Variants in STRN observed in about 807,000 individuals in gnomAD.
The protein encoded by STRN is protein phosphatase 2 regulatory subunit B'''alpha.
Under a neutral mutation model 96.3 loss-of-function variants are expected in STRN, and 53 were observed. The observed-to-expected ratio is 0.55, with a 90% CI of 0.44 to 0.69. The LOEUF is 0.69. Ranked by LOEUF, STRN falls within the 30% of genes least tolerant of loss-of-function variation. STRN has a pLI of 0.00. For missense variants in STRN, 987 were observed against 963.9 expected (o/e 1.02, Z -0.32); for synonymous variants, 428 against 355.9 (o/e 1.20, Z -2.28).
At chr2:36,886,370 T>A (rs1037200812) in intron 8 of STRN, among the ~76,000 whole-genome samples, 1 of 152,146 alleles carries the variant, frequency 6.6e-6, no homozygotes, top group African/African-American at 2.4e-5. Flanking sequence ...AAATGAGTTA[T>A]AAATTGTCAA....
rs2148119297 is a variant in STRN, at chr2:36,847,372, G to C, written c.*2084C>G. 6.6e-6 allele frequency: 1 copy of C among 152,244 alleles called. No homozygotes were observed. The highest frequency in any genetic ancestry group is 1.9e-4 in the East Asian group (1 of 5,188). 9.4% of individuals were successfully genotyped at this position (152,244 alleles called of 1,614,324 possible). On this transcript the variant is annotated 3_prime_UTR_variant, in exon 18 of 18. Transcript: ENST00000263918. ...TGGTCATCCATCATAAATACACCAAGTAATGGCATCTTCCTTCCTTCCTTC... is the reference window on the plus strand; with the variant it reads ...TGGTCATCCATCATAAATACACCAACTAATGGCATCTTCCTTCCTTCCTTC...
intron 1 of STRN, among the ~76,000 whole-genome samples, chr2:36,928,915 T>A (rs950838440): frequency 2.8e-5 from 4 of 141,770 alleles, no homozygotes; most frequent in African/African-American, 1.1e-4. Context: ...GCCACTGCAC[T>A]CCAGCCTGGG....
At chr2:36,935,637 C>A (rs1374885279) in intron 1 of STRN, among the ~76,000 whole-genome samples, 1 of 152,136 alleles carries the variant, frequency 6.6e-6, no homozygotes, top group African/African-American at 2.4e-5. Flanking sequence ...ATTGAGGACA[C>A]AACAAAAAGC....
chr2:36,942,057 G>A (rs549383172), intron 1 of STRN, among the ~76,000 whole-genome samples: 41 of 152,148 alleles, frequency 2.7e-4, no homozygotes, highest in South Asian at 8.3e-4. Flanking sequence ...GGCCAAACAC[G>A]GCTATGTGAC....
At chr2:36,860,984 T>C (rs1572628312) in intron 13 of STRN, 148 bp downstream of exon 13, 1 of 943,582 alleles carries the variant, frequency 1.1e-6, no homozygotes, top group African/African-American at 1.7e-5. Context: ...AATTCCTAAA[T>C]ACAGAAGTCC....
chr2:36,853,414 C>T (rs1047095775), intron 15 of STRN, among the ~76,000 whole-genome samples: 10 of 152,120 alleles, frequency 6.6e-5, no homozygotes, highest in African/African-American at 2.4e-4. Context: ...AGAGAATAGC[C>T]TCAATTGCTT....
At chr2:36,889,713 T>G (rs1280332212) in intron 7 of STRN, among the ~76,000 whole-genome samples, 1 of 152,046 alleles carries the variant, frequency 6.6e-6, no homozygotes, top group Non-Finnish European at 1.5e-5. Context: ...TGCAACCTAG[T>G]TTTGTTAATT....
At chr2:36,933,236 T>C (rs1418910328) in intron 1 of STRN, among the ~76,000 whole-genome samples, 3 of 152,160 alleles carry the variant, frequency 2.0e-5, no homozygotes, top group Non-Finnish European at 4.4e-5. Context: ...GTATTATAAA[T>C]AATCTAGAGA....
rs145092521 is a variant in STRN at position 36,908,314 on chromosome 2, A to C, written c.413-2696T>G. ...TTTTGGCAGCCAGTGACATTACAAAAAAGTGTGATACAGCAAATCAATGGA... is the reference window on the plus strand; with the variant it reads ...TTTTGGCAGCCAGTGACATTACAAACAAGTGTGATACAGCAAATCAATGGA... On this transcript the variant is annotated intron_variant, in intron 3 of 17. Coordinates refer to ENST00000263918, the MANE Select transcript of STRN (RefSeq NM_003162.4). 5.9e-4 allele frequency among the ~76,000 whole-genome samples: 90 copies of C among 152,364 alleles called. 1 individual carries two copies. In the East Asian group the frequency reaches 0.012, roughly 20 times the overall value.
chr2:36,899,679 C>T (rs1396158061), intron 5 of STRN, 21 bp from the exon 6 acceptor site: 2 of 1,567,214 alleles, frequency 1.3e-6, no homozygotes, highest in East Asian at 2.3e-5. Flanking sequence ...ACATGTATAT[C>T]CTGCTTAGTT....
At chr2:36,927,748 T>TA (rs1370668444) in intron 1 of STRN, among the ~76,000 whole-genome samples, 6 of 152,188 alleles carry the variant, frequency 3.9e-5, no homozygotes, top group African/African-American at 1.2e-4. Flanking sequence ...AATAATATGG[T>TA]AAAAAACAGA....
In STRN at chr2:36,873,772, G is replaced by T. The variant is rs375595922; in HGVS notation, c.1324-4043C>A. 4.6e-5 allele frequency among the ~76,000 whole-genome samples: 7 copies of T among 151,216 alleles called. No individual in the cohort carries two copies. The South Asian group carries it at 1.5e-3, about 32-fold the overall frequency. Reference sequence around the variant, plus strand: ...ATCCTGACCAACACGGTGAAACCCTGTCTCTACTAAGAATACAAAAATTAG... The same window carrying T: ...ATCCTGACCAACACGGTGAAACCCTTTCTCTACTAAGAATACAAAAATTAG... On this transcript the variant is annotated intron_variant, in intron 10 of 17. Transcript: ENST00000263918.
chr2:36,860,181 G>T (rs886187207), intron 13 of STRN, among the ~76,000 whole-genome samples: 14 of 152,188 alleles, frequency 9.2e-5, no homozygotes, highest in Admixed American at 2.6e-4. Flanking sequence ...AAGAGCAAGA[G>T]ATTAGAATGC....
intron 7 of STRN, among the ~76,000 whole-genome samples, chr2:36,892,177 T>C (rs981833145): frequency 2.0e-5 from 3 of 152,198 alleles, no homozygotes; most frequent in Admixed American, 6.5e-5. Flanking sequence ...AACCAAATAC[T>C]ACATGTTCTC....
chr2:36,947,568 A>ATT (rs531109078), intron 1 of STRN, among the ~76,000 whole-genome samples: 84 of 147,300 alleles, frequency 5.7e-4, no homozygotes, highest in Admixed American at 1.4e-3. Flanking sequence ...TTACATATAT[A>ATT]TTATATATAT....
At chr2:36,939,098 G>T (rs780843506) in intron 1 of STRN, among the ~76,000 whole-genome samples, 7 of 152,006 alleles carry the variant, frequency 4.6e-5, no homozygotes, top group Non-Finnish European at 1.0e-4. Context: ...TGATTCTCCT[G>T]CCTCAGCCTC....
At chr2:36,926,080 G>T (rs2148232345) in intron 1 of STRN, among the ~76,000 whole-genome samples, 1 of 152,188 alleles carries the variant, frequency 6.6e-6, no homozygotes, top group East Asian at 1.9e-4. Flanking sequence ...GTGAAAGTTG[G>T]GAAAAGGAAA....
chr2:36,905,998 T>A (rs1365798936), intron 3 of STRN, among the ~76,000 whole-genome samples: 2 of 152,088 alleles, frequency 1.3e-5, no homozygotes, highest in Non-Finnish European at 2.9e-5. Context: ...AATTGAACAT[T>A]TAAAAATAAC....
intron 9 of STRN, among the ~76,000 whole-genome samples, chr2:36,882,186 TAAA>T (rs562917267): frequency 1.3e-5 from 2 of 151,050 alleles, no homozygotes; most frequent in Non-Finnish European, 3.0e-5. Context: ...TGTAATTTAT[TAAA>T]AAAAAACAAG....
Sources: gnomAD v4.1 joint callset for allele counts (sites outside exome capture counted in the v4.1 genomes callset) on GRCh38, gnomAD v4.1.1 for gene constraint, MANE v1.5 for transcripts, NCBI Gene and HGNC (gene_info 2026-07-23, HGNC 2026-07-21) for gene names.